Variants in ANKFN1 observed in about 807,000 individuals in gnomAD.
ANKFN1 encodes ankyrin repeat and fibronectin type III domain containing 1.
In ANKFN1, 74 loss-of-function variants were observed where a neutral mutation model predicts 108.7. The observed-to-expected ratio is 0.68, with a 90% CI of 0.56 to 0.83. The LOEUF (loss-of-function observed/expected upper bound fraction) is 0.83. Ranked by LOEUF, ANKFN1 falls within the 40% of genes least tolerant of loss-of-function variation. ANKFN1 has a pLI of 0.00. For missense variants in ANKFN1, 1,505 were observed against 1,382.3 expected (o/e 1.09, Z -1.41); for synonymous variants, 547 against 516.2 (o/e 1.06, Z -0.81).
intron 8 of ANKFN1, among the ~76,000 whole-genome samples, chr17:56,382,654 AC>A (rs1811243133): frequency 6.6e-6 from 1 of 152,190 alleles, no homozygotes. Context: ...CAAATGGAAA[AC>A]AAAAAAAGGC....
At chr17:56,197,117 G>A (rs897543536) in intron 1 of ANKFN1, among the ~76,000 whole-genome samples, 1 of 152,098 alleles carries the variant, frequency 6.6e-6, no homozygotes, top group Non-Finnish European at 1.5e-5. Context: ...CGAATATTAG[G>A]TTTCATTTTA....
intron 13 of ANKFN1, 48 bp from the exon 14 acceptor site, chr17:56,457,815 T>C (rs1316722380): frequency 2.8e-6 from 4 of 1,427,440 alleles, no homozygotes; most frequent in Non-Finnish European, 3.9e-6. Flanking sequence ...ACAACCTAAA[T>C]CATGTACTGG....
chr17:56,224,377 A>G (rs1268274280), intron 2 of ANKFN1, among the ~76,000 whole-genome samples: 1 of 152,222 alleles, frequency 6.6e-6, no homozygotes, highest in Non-Finnish European at 1.5e-5. Context: ...AAAATTCAGA[A>G]TAAGAGTACA....
chr17:56,188,750 G>A (rs1007198976), intron 1 of ANKFN1, among the ~76,000 whole-genome samples: 10 of 151,434 alleles, frequency 6.6e-5, no homozygotes, highest in African/African-American at 2.4e-4. Flanking sequence ...CTTTGACACA[G>A]AACTCCTAAA....
At chr17:56,368,570 G>A (rs146660232) in intron 6 of ANKFN1, among the ~76,000 whole-genome samples, 4,323 of 151,704 alleles carry the variant, frequency 0.028, 205 homozygotes, top group African/African-American at 0.1. Flanking sequence ...GTGAGCCACC[G>A]CGCCCGGCTG....
intron 4 of ANKFN1, among the ~76,000 whole-genome samples, chr17:56,118,903 C>T (rs549386217): frequency 6.6e-6 from 1 of 152,162 alleles, no homozygotes; most frequent in Non-Finnish European, 1.5e-5. Context: ...AATCAAGATG[C>T]ATTTTTGATT....
chr17:56,457,733 G>T, intron 13 of ANKFN1, 130 bp from the exon 14 acceptor site: 2 of 713,206 alleles, frequency 2.8e-6, no homozygotes, highest in Non-Finnish European at 4.8e-6. Flanking sequence ...GTTGTTTCGT[G>T]TGTGTCTGAA....
intron 4 of ANKFN1, among the ~76,000 whole-genome samples, chr17:56,123,015 T>C (rs1349127356): frequency 6.6e-6 from 1 of 152,232 alleles, no homozygotes; most frequent in Non-Finnish European, 1.5e-5. Context: ...CAAACATTTA[T>C]TGAGTACTTA....
intron 8 of ANKFN1, among the ~76,000 whole-genome samples, chr17:56,439,923 G>T (rs1232348845): frequency 2.0e-5 from 3 of 151,942 alleles, no homozygotes; most frequent in Non-Finnish European, 4.4e-5. Context: ...GTATGTGTGT[G>T]TATATTCATA....
At chr17:56,067,350 C>T (rs1905072723) in intron 4 of ANKFN1, among the ~76,000 whole-genome samples, 1 of 151,920 alleles carries the variant, frequency 6.6e-6, no homozygotes, top group African/African-American at 2.4e-5. Context: ...TATATGAGTA[C>T]TTCATATTTG....
chr17:56,368,122 A>C (rs1212094067), intron 6 of ANKFN1: 11 of 1,231,306 alleles, frequency 8.9e-6, no homozygotes, highest in African/African-American at 1.5e-5. Flanking sequence ...AGTGACAATG[A>C]GCCTGATCAC....
chr17:56,295,614 C>T (rs7224762), intron 3 of ANKFN1, among the ~76,000 whole-genome samples: 13 of 151,016 alleles, frequency 8.6e-5, no homozygotes, highest in East Asian at 1.9e-4. Flanking sequence ...CGTGTGTGGG[C>T]GGTGTGTGTG....
intron 3 of ANKFN1, among the ~76,000 whole-genome samples, chr17:56,254,734 A>G (rs867775596): frequency 1.3e-5 from 2 of 152,314 alleles, no homozygotes; most frequent in African/African-American, 4.8e-5. Flanking sequence ...AACTTTCACA[A>G]GACAGAGGTA....
chr17:56,282,345 A>G (rs776869812), intron 3 of ANKFN1, among the ~76,000 whole-genome samples: 2 of 151,362 alleles, frequency 1.3e-5, no homozygotes, highest in Non-Finnish European at 2.9e-5. Context: ...AATAGACTAG[A>G]CCTCTCTGGG....
At chr17:56,196,418 G>T (rs1913511296) in intron 1 of ANKFN1, among the ~76,000 whole-genome samples, 1 of 152,126 alleles carries the variant, frequency 6.6e-6, no homozygotes, top group African/African-American at 2.4e-5. Context: ...GCAGCCAGGA[G>T]GACTGGATCA....
intron 1 of ANKFN1, among the ~76,000 whole-genome samples, chr17:56,161,886 A>C (rs138132302): frequency 6.6e-6 from 1 of 152,240 alleles, no homozygotes; most frequent in African/African-American, 2.4e-5. Context: ...CTCAGGGTCT[A>C]TGGGAATGCT....
At chr17:56,501,114 A>C (rs2051353916) in intron 20 of ANKFN1, among the ~76,000 whole-genome samples, 1 of 152,148 alleles carries the variant, frequency 6.6e-6, no homozygotes, top group Non-Finnish European at 1.5e-5. Context: ...CAGACAATAA[A>C]ACAGCAAAAG....
In ANKFN1 at chr17:56,183,629, A is replaced by G. The variant is rs1911894414; in HGVS notation, c.-70-28969A>G. On this transcript the variant is annotated intron_variant, in intron 1 of 20. Transcript: ENST00000682825. Reference sequence around the variant, plus strand: ...TTTGCTTCACCTTTTGCCATGAGTAAAAATTCCCTGAGACCTCACCAGAAG... The same window carrying G: ...TTTGCTTCACCTTTTGCCATGAGTAGAAATTCCCTGAGACCTCACCAGAAG... Among the ~76,000 whole-genome samples, 3 of 152,132 alleles carry G rather than the reference A, an allele frequency of 2.0e-5. No homozygotes were observed. The South Asian group carries it at 6.2e-4, about 32-fold the overall frequency.
At chr17:56,145,766 C>T (rs1264241557) in intron 4 of ANKFN1, among the ~76,000 whole-genome samples, 1 of 152,208 alleles carries the variant, frequency 6.6e-6, no homozygotes, top group South Asian at 2.1e-4. Context: ...TCCCAACAGT[C>T]CTCCAAAGTC....
Sources: gnomAD v4.1 joint callset for allele counts (sites outside exome capture counted in the v4.1 genomes callset) on GRCh38, gnomAD v4.1.1 for gene constraint, MANE v1.5 for transcripts, NCBI Gene and HGNC (gene_info 2026-07-23, HGNC 2026-07-21) for gene names.